The following TBC1D2 variants were observed in gnomAD, a reference collection of about 807,000 sequenced individuals.
The protein encoded by TBC1D2 is TBC1 domain family member 2A.
Under a neutral mutation model 91.1 loss-of-function variants are expected in TBC1D2, and 58 were observed. The observed-to-expected ratio is 0.64, with a 90% CI of 0.52 to 0.79. TBC1D2 has a LOEUF of 0.79. Among genes scored for constraint, TBC1D2 ranks in the 30% least tolerant of loss-of-function variants. TBC1D2 has a pLI of 0.00. For missense variants in TBC1D2, 1,080 were observed against 1,208.3 expected, an observed-to-expected ratio of 0.89 and a Z score of 1.57; for synonymous variants, 482 against 511.5, an observed-to-expected ratio of 0.94 and a Z score of 0.78.
At position 98,201,591 on chromosome 9, in the gene TBC1D2, T is replaced by A. The variant is rs1254136129; in HGVS notation, c.2345A>T (p.His782Leu). 3.7e-6 allele frequency: 6 copies of A among 1,614,108 alleles called. 1 individual carries two copies. The South Asian group carries it at 6.6e-5, about 18-fold the overall frequency. ...PRLMAHLGQH[H>L]VDLSLVTFNW... ...GAAGGTGACGAGGGAGAGATCCACG[T>A]GGTGCTGCCCCAGATGGGCCATCAG... Residue 782 changes from histidine to leucine, a missense_variant, in exon 11 of 13, where the codon CAC becomes CTC. His to Leu is a moderately conservative substitution (Grantham distance 99, BLOSUM62 -3). Transcript: ENST00000465784.
Position 98,229,147 on chromosome 9 carries a change from C to T in TBC1D2, c.783G>A (p.Gly261=). The T allele has an allele frequency of 4.3e-6, 7 of 1,614,064 alleles. No homozygotes were observed. Among genetic ancestry groups the T allele is most frequent in the Non-Finnish European group, 5.9e-6 (7 of 1,179,970 alleles). Residue 261 remains glycine, a splice_region_variant and synonymous_variant, in exon 5 of 13, where the codon GGG becomes GGA. Transcript: ENST00000465784. ...GCTTTGGAGAATCCTCTGGCTCTCT[C>T]CCTGCTCAAGAGGAGAAACGCAGAA... The part of the protein sequence containing the change: ...QPLASDASTP[G]REPEDSPKPA...
intron 7 of TBC1D2, among the ~76,000 whole-genome samples, chr9:98,211,680 G>A (rs1828844331): frequency 6.6e-6 from 1 of 152,034 alleles, no homozygotes; most frequent in South Asian, 2.1e-4. Context: ...CCAAACACTT[G>A]CCGGGCACCA....
At chr9:98,235,219 C>G (rs1332983517) in intron 3 of TBC1D2, 1 of 294,984 alleles carries the variant, frequency 3.4e-6, no homozygotes, top group African/African-American at 2.2e-5. Flanking sequence ...AAAAAAAGAT[C>G]TGGGACATAG....
chr9:98,248,815 T>A (rs1322455111), intron 2 of TBC1D2, among the ~76,000 whole-genome samples: 1 of 152,372 alleles, frequency 6.6e-6, no homozygotes, highest in Non-Finnish European at 1.5e-5. Flanking sequence ...GGCAACTTGC[T>A]ATTCTTATTA....
intron 6 of TBC1D2, among the ~76,000 whole-genome samples, chr9:98,220,533 G>A (rs1478790299): frequency 6.6e-6 from 1 of 152,140 alleles, no homozygotes; most frequent in African/African-American, 2.4e-5. Context: ...TAGCTAGTCA[G>A]GCTTTCATCT....
chr9:98,242,722 C>T (rs745930857), intron 3 of TBC1D2, among the ~76,000 whole-genome samples: 32 of 150,682 alleles, frequency 2.1e-4, no homozygotes, highest in Non-Finnish European at 4.1e-4. Context: ...AACAACTTGC[C>T]AACAGCAGCA....
At chr9:98,246,716 GC>G (rs1397507831) in intron 2 of TBC1D2, among the ~76,000 whole-genome samples, 1 of 152,132 alleles carries the variant, frequency 6.6e-6, no homozygotes, top group Non-Finnish European at 1.5e-5. Context: ...CTGCAGCTGG[GC>G]CTTAAGGACT....
At position 98,210,891 on chromosome 9, in the gene TBC1D2, G is replaced by A. The variant is rs1167121969; in HGVS notation, c.1486-48C>T. 1.5e-5 allele frequency: 20 copies of A among 1,309,258 alleles called. No individual in the cohort carries two copies. The East Asian group carries it at 1.9e-4, about 12-fold the overall frequency. The allele number at this position is 1,309,258 out of a possible 1,614,324, so 81.1% of individuals were successfully genotyped here. The stretch of plus-strand genomic sequence containing the variant: ...CAGGCTACCGGGTGGGAGCTGGGCC[G>A]CCCCAGAGGCCTGAGGCCTGAACAG... On this transcript the variant is annotated intron_variant, in intron 7 of 12. Transcript: ENST00000465784.
chr9:98,209,990 CT>C (rs756153569), intron 8 of TBC1D2, among the ~76,000 whole-genome samples: 10,677 of 140,492 alleles, frequency 0.076, 392 homozygotes, highest in East Asian at 0.13. Flanking sequence ...CACCACTCTT[CT>C]TTTTTTTTTT....
chr9:98,241,568 ACC>A (rs1202200384), intron 3 of TBC1D2, among the ~76,000 whole-genome samples: 1 of 152,080 alleles, frequency 6.6e-6, no homozygotes, highest in African/African-American at 2.4e-5. Flanking sequence ...TTGCTCTATG[ACC>A]CTCTGAAGCT....
At chr9:98,204,050 A>G (rs1188314571) in intron 9 of TBC1D2, among the ~76,000 whole-genome samples, 1 of 152,174 alleles carries the variant, frequency 6.6e-6, no homozygotes, top group Non-Finnish European at 1.5e-5. Context: ...CCAAGTTAGC[A>G]TAAGGCTCTA....
Position 98,213,125 on chromosome 9 carries a change from T to C in TBC1D2, c.1468A>G (p.Lys490Glu). ...KIWRKVAEKE[K>E]ALLTKCAYLQ... ...CCCCGCACCTTCGTCAGAAGGGCCT[T>C]CTCCTTCTCAGCCACCTTTCTCCAG... The change falls in exon 7 of 13, where the codon AAG (lysine) becomes GAG (glutamate). Residue 490 changes from lysine (K) to glutamate (E), a missense_variant. Transcript: ENST00000465784. 2 of 1,613,990 alleles carry C rather than the reference T, an allele frequency of 1.2e-6. No homozygotes were observed. The highest frequency in any genetic ancestry group is 1.7e-6 in the Non-Finnish European group (2 of 1,180,012).
intron 9 of TBC1D2, among the ~76,000 whole-genome samples, chr9:98,204,319 G>A (rs557992626): frequency 5.3e-5 from 8 of 152,330 alleles, no homozygotes; most frequent in African/African-American, 1.9e-4. Flanking sequence ...GACACACACT[G>A]TCTTAGTAAA....
chr9:98,214,138 T>C (rs1828915631), intron 6 of TBC1D2, among the ~76,000 whole-genome samples: 2 of 152,246 alleles, frequency 1.3e-5, no homozygotes, highest in Non-Finnish European at 2.9e-5. Context: ...CTCCCATTGA[T>C]GTATGGGCTG....
rs769839580 is a variant in TBC1D2 at position 98,255,292 on chromosome 9, C to A, written c.250G>T (p.Ala84Ser). ...CTGTCCAAGGGATTGGCATCCTGAG[C>A]GGTCCGCGAGTAATACAGCTGACAT... ...RKCQLYYSRT[A>S]QDANPLDSID... The change falls in exon 1 of 13, where the codon GCT becomes TCT. Residue 84 changes from alanine (A) to serine (S), a missense_variant. Physicochemically the swap from Ala to Ser is moderately conservative, Grantham distance 99 (BLOSUM62 1). Coordinates refer to ENST00000465784, the MANE Select transcript of TBC1D2 (RefSeq NM_001267571.2). The A allele has an allele frequency of 6.2e-7, 1 of 1,614,262 alleles. No homozygotes were observed. The highest frequency in any genetic ancestry group is 8.5e-7 in the Non-Finnish European group (1 of 1,180,044).
chr9:98,249,115 G>A (rs1829821969), intron 2 of TBC1D2, among the ~76,000 whole-genome samples: 1 of 152,160 alleles, frequency 6.6e-6, no homozygotes, highest in Non-Finnish European at 1.5e-5. Context: ...TTGCTGACTT[G>A]CCCAAGACAC....
intron 4 of TBC1D2, 109 bp from the exon 5 acceptor site, chr9:98,229,257 G>T (rs1014964529): frequency 9.5e-7 from 1 of 1,051,724 alleles, no homozygotes; most frequent in Non-Finnish European, 1.4e-6. Flanking sequence ...GGATGGTTGG[G>T]CCCTAATTTC....
At chr9:98,215,294 A>G (rs1828943674) in intron 6 of TBC1D2, among the ~76,000 whole-genome samples, 1 of 152,192 alleles carries the variant, frequency 6.6e-6, no homozygotes, top group African/African-American at 2.4e-5. Flanking sequence ...CTGGAGATAT[A>G]GAAACTTATG....
intron 1 of TBC1D2, among the ~76,000 whole-genome samples, chr9:98,252,781 C>A (rs140396004): frequency 1.5e-4 from 23 of 152,300 alleles, no homozygotes; most frequent in African/African-American, 5.5e-4. Context: ...AGAAGATGAA[C>A]AGCTCACCGG....
Sources: allele counts gnomAD v4.1 joint callset (sites outside exome capture counted in the v4.1 genomes callset), GRCh38; gene constraint gnomAD v4.1.1; transcripts MANE v1.5; gene names NCBI Gene and HGNC (gene_info 2026-07-23, HGNC 2026-07-21).